Variants in CCDC150 observed in about 807,000 individuals in gnomAD.
CCDC150 encodes coiled-coil domain-containing protein 150.
In CCDC150, 151 loss-of-function variants were observed where a neutral mutation model predicts 156.5. That is an observed-to-expected ratio of 0.97 (90% CI 0.85 to 1.10). The LOEUF (loss-of-function observed/expected upper bound fraction) is 1.10, where lower values mean the gene tolerates loss of function less well. Among genes scored for constraint, CCDC150 ranks in the 50% least tolerant of loss-of-function variants. The pLI, the probability that CCDC150 is intolerant of heterozygous loss-of-function variation, is 0.00. For missense variants in CCDC150, 1,312 were observed against 1,268.1 expected, an observed-to-expected ratio of 1.03 and a Z score of -0.53; for synonymous variants, 452 against 429.4, an observed-to-expected ratio of 1.05 and a Z score of -0.65.
intron 17 of CCDC150, among the ~76,000 whole-genome samples, chr2:196,714,311 G>A (rs1301360100): frequency 6.6e-6 from 1 of 152,138 alleles, no homozygotes; most frequent in Non-Finnish European, 1.5e-5. Flanking sequence ...GGTCCCTATG[G>A]CTACCTCTTA....
At chr2:196,663,720 C>T (rs1036250742) in intron 5 of CCDC150, among the ~76,000 whole-genome samples, 3 of 152,050 alleles carry the variant, frequency 2.0e-5, no homozygotes, top group Non-Finnish European at 4.4e-5. Flanking sequence ...CATATCCCAA[C>T]ACATTTTTTA....
At chr2:196,676,533 G>T (rs1279296298) in intron 11 of CCDC150, 21 bp from the exon 12 acceptor site, 1 of 1,582,898 alleles carries the variant, frequency 6.3e-7, no homozygotes, top group Non-Finnish European at 8.6e-7. Flanking sequence ...GCTTTCATAT[G>T]TTCTTGATCT....
intron 18 of CCDC150, among the ~76,000 whole-genome samples, 178 bp downstream of exon 18, chr2:196,718,809 C>G (rs1452070177): frequency 1.3e-5 from 2 of 152,002 alleles, no homozygotes; most frequent in African/African-American, 4.8e-5. Context: ...CTTAAAAATA[C>G]ATTATATGTA....
Position 196,642,358 on chromosome 2 carries a change from G to A in CCDC150, c.12+2580G>A, listed in dbSNP as rs375677964. 2.0e-5 allele frequency among the ~76,000 whole-genome samples: 3 copies of A among 152,178 alleles called. No individual in the cohort carries two copies. In the South Asian group the frequency reaches 6.2e-4, roughly 31 times the overall value. ...GCCAAGTGGCCATTGGAGAGTGTGC[G>A]TGTATTTATGTATGTAGGGGTGTGG... On this transcript the variant is annotated intron_variant, in intron 1 of 27. Transcript: ENST00000389175.
chr2:196,661,254 A>C (rs546578387), intron 5 of CCDC150, among the ~76,000 whole-genome samples: 60 of 152,350 alleles, frequency 3.9e-4, no homozygotes, highest in African/African-American at 1.3e-3. Flanking sequence ...CTGCCATAAC[A>C]AAATCCTAAA....
chr2:196,693,259 CT>C (rs1199106231), intron 13 of CCDC150, among the ~76,000 whole-genome samples: 22 of 152,268 alleles, frequency 1.4e-4, no homozygotes, highest in African/African-American at 4.8e-4. Flanking sequence ...CCGTCATTGA[CT>C]GAAACATTGT....
chr2:196,688,365 G>C (rs1386779185), intron 13 of CCDC150, among the ~76,000 whole-genome samples: 1 of 152,142 alleles, frequency 6.6e-6, no homozygotes, highest in African/African-American at 2.4e-5. Context: ...TGGCAACTGT[G>C]AATGGGAGTT....
chr2:196,664,816 T>A lies in CCDC150; in HGVS notation c.646-751T>A, dbSNP rs545873403. 2.4e-4 allele frequency among the ~76,000 whole-genome samples: 37 copies of A among 151,894 alleles called. 1 individual carries two copies. The South Asian group carries it at 7.1e-3, about 29-fold the overall frequency. On this transcript the variant is annotated intron_variant, in intron 5 of 27. Transcript: ENST00000389175. ...GTCATTAGCACACAAAAGACACTCT[T>A]ATGAGGTGATTCCAAGTTTTTTATG...
At chr2:196,712,308 G>A (rs1697185775) in intron 16 of CCDC150, 56 bp downstream of exon 16, 1 of 942,498 alleles carries the variant, frequency 1.1e-6, no homozygotes, top group African/African-American at 1.7e-5. Flanking sequence ...TTAAGAAATT[G>A]TTTGATGTCT....
At chr2:196,696,195 T>C (rs999300607) in intron 14 of CCDC150, among the ~76,000 whole-genome samples, 5 of 152,148 alleles carry the variant, frequency 3.3e-5, no homozygotes, top group African/African-American at 9.7e-5. Context: ...ATAATAATGC[T>C]ATAACTGTGG....
At chr2:196,672,822 G>A (rs1177276480) in intron 9 of CCDC150, among the ~76,000 whole-genome samples, 4 of 152,016 alleles carry the variant, frequency 2.6e-5, no homozygotes, top group Admixed American at 6.6e-5. Flanking sequence ...TTATACAGTA[G>A]GAACCTAACA....
chr2:196,730,726 G>A (rs1446087380), intron 25 of CCDC150, 133 bp from the exon 26 acceptor site: 5 of 651,400 alleles, frequency 7.7e-6, no homozygotes, highest in Non-Finnish European at 1.4e-5. Flanking sequence ...TATCTCATAT[G>A]TCAGTAGCAC....
In CCDC150 at chr2:196,666,732, A is replaced by G; in HGVS notation, c.776A>G (p.Gln259Arg). Residue 259 changes from glutamine (Q) to arginine (R), a missense_variant, in exon 7 of 28, where the codon CAG becomes CGG. Coordinates refer to ENST00000389175, the MANE Select transcript of CCDC150 (RefSeq NM_001080539.2). ...EVERKQVHIL[Q>R]QNCIALRDSI... Reference sequence around the variant, plus strand: ...ATACAATTTCAGGTGCACATTTTGCAGCAAAACTGCATTGCTCTACGTGAT... The same window carrying G: ...ATACAATTTCAGGTGCACATTTTGCGGCAAAACTGCATTGCTCTACGTGAT... 6.3e-7 allele frequency: 1 copy of G among 1,599,632 alleles called. No individual in the cohort carries two copies. The highest frequency in any genetic ancestry group is 8.5e-7 in the Non-Finnish European group (1 of 1,175,264).
At chr2:196,688,089 CT>C (rs1695221584) in intron 13 of CCDC150, among the ~76,000 whole-genome samples, 1 of 152,094 alleles carries the variant, frequency 6.6e-6, no homozygotes, top group Non-Finnish European at 1.5e-5. Context: ...TGTTCAGGCT[CT>C]TTTTTGGTTC....
Position 196,656,912 on chromosome 2 carries a change from T to C in CCDC150, c.398-46T>C, listed in dbSNP as rs182157014. ...TGTATAGGTGCTTGATTTTCTTTAC[T>C]GACCTTCTTTCTGCTGCTTGATGCC... On this transcript the variant is annotated intron_variant, in intron 3 of 27. Coordinates refer to ENST00000389175, the MANE Select transcript of CCDC150 (RefSeq NM_001080539.2). 4.3e-3 allele frequency: 6,951 copies of C among 1,610,996 alleles called. 30 individuals are homozygous for C. The highest frequency in any genetic ancestry group is 5.8e-3 in the South Asian group (531 of 90,830).
chr2:196,700,862 A>G (rs1358674856), intron 14 of CCDC150, among the ~76,000 whole-genome samples: 1 of 152,208 alleles, frequency 6.6e-6, no homozygotes, highest in Non-Finnish European at 1.5e-5. Context: ...AAAAAAAGTT[A>G]ATATACAAAA....
intron 14 of CCDC150, among the ~76,000 whole-genome samples, chr2:196,697,900 A>G (rs1287732623): frequency 1.3e-5 from 2 of 151,974 alleles, no homozygotes; most frequent in African/African-American, 2.4e-5. Flanking sequence ...AATTCTTCCT[A>G]TTTTTACTTC....
At chr2:196,677,915 A>T (rs949561149) in intron 13 of CCDC150, among the ~76,000 whole-genome samples, 1 of 152,078 alleles carries the variant, frequency 6.6e-6, no homozygotes, top group Non-Finnish European at 1.5e-5. Flanking sequence ...GCCTGAACCC[A>T]GGAGGCAGAG....
At chr2:196,679,773 A>G (rs1358243362) in intron 13 of CCDC150, among the ~76,000 whole-genome samples, 1 of 152,160 alleles carries the variant, frequency 6.6e-6, no homozygotes, top group African/African-American at 2.4e-5. Flanking sequence ...TCTCACTAGC[A>G]CTTGGTTGTC....
Sources: gnomAD v4.1 joint callset for allele counts (sites outside exome capture counted in the v4.1 genomes callset) on GRCh38, gnomAD v4.1.1 for gene constraint, MANE v1.5 for transcripts, NCBI Gene and HGNC (gene_info 2026-07-23, HGNC 2026-07-21) for gene names.